CATSPERE: variants seen among roughly 807,000 people sequenced by gnomAD.
CATSPERE encodes the protein catsper channel auxiliary subunit epsilon.
Under a neutral mutation model 114.1 loss-of-function variants are expected in CATSPERE, and 93 were observed. That is an observed-to-expected ratio of 0.81 (90% confidence interval 0.69 to 0.97). The LOEUF (loss-of-function observed/expected upper bound fraction) is 0.97. Ranked by LOEUF, CATSPERE falls within the 50% of genes least tolerant of loss-of-function variation. The pLI is 0.00. For synonymous variants in CATSPERE, 341 were observed against 384.1 expected, an observed-to-expected ratio of 0.89 and a Z score of 1.31; for missense variants, 1,058 against 1,131.6, an observed-to-expected ratio of 0.93 and a Z score of 0.93.
chr1:244,626,923 T>G (rs1673272331), intron 20 of CATSPERE, among the ~76,000 whole-genome samples: 1 of 152,226 alleles, frequency 6.6e-6, no homozygotes, highest in African/African-American at 2.4e-5. Flanking sequence ...TTAATTTTCC[T>G]TCAAAAACTT....
At chr1:244,499,279 T>G in intron 7 of CATSPERE, among the ~76,000 whole-genome samples, 200 bp downstream of exon 7, 1 of 152,230 alleles carries the variant, frequency 6.6e-6, no homozygotes, top group Non-Finnish European at 1.5e-5. Flanking sequence ...AACCTTTCTT[T>G]AGAACTCTAA....
upstream of CATSPERE, chr1:244,454,312 T>G (rs566068005): frequency 1.3e-5 from 2 of 152,226 alleles, no homozygotes; most frequent in South Asian, 4.2e-4. Context: ...AGAGAAAAAG[T>G]TTTTGAGCTT....
intron 11 of CATSPERE, among the ~76,000 whole-genome samples, chr1:244,578,200 C>A (rs1032193069): frequency 1.3e-5 from 2 of 152,166 alleles, no homozygotes; most frequent in African/African-American, 4.8e-5. Context: ...GTTGCCCAGG[C>A]TGGAGTGCAG....
At chr1:244,454,132 C>T (rs1462571322), upstream of CATSPERE, among the ~76,000 whole-genome samples, 1 of 152,094 alleles carries the variant, frequency 6.6e-6, no homozygotes, top group Admixed American at 6.5e-5. Context: ...AGACCTAACT[C>T]AAAACCCTCC....
At position 244,499,091 on chromosome 1, in the gene CATSPERE, C is replaced by T; in HGVS notation, c.429+12C>T. The T allele has an allele frequency of 1.3e-6, 2 of 1,585,176 alleles. No individual in the cohort carries two copies. The highest frequency in any genetic ancestry group is 1.7e-6 in the Non-Finnish European group (2 of 1,154,350). ...AAGAACCTTCAATAGTAGGTGGAAACATTAGTATCGTCATAGTAAGAACAG... is the reference window on the plus strand; with the variant it reads ...AAGAACCTTCAATAGTAGGTGGAAATATTAGTATCGTCATAGTAAGAACAG... On this transcript the variant is annotated intron_variant, in intron 7 of 21. Coordinates refer to ENST00000366534, the MANE Select transcript of CATSPERE (RefSeq NM_001130957.2).
At chr1:244,586,792 G>A (rs6429491) in intron 13 of CATSPERE, among the ~76,000 whole-genome samples, 26,844 of 152,046 alleles carry the variant, frequency 0.18, 3,324 homozygotes, top group East Asian at 0.39. Flanking sequence ...TGTAGACCCT[G>A]TTGAGACAGC....
intron 9 of CATSPERE, among the ~76,000 whole-genome samples, chr1:244,553,601 ATACACAC>A (rs1262859625): frequency 1.4e-4 from 12 of 85,020 alleles, no homozygotes; most frequent in African/African-American, 6.4e-4. Context: ...AAAAAAAAAA[ATACACAC>A]ACACACACAC....
rs59466928 is a variant in CATSPERE, at chr1:244,566,652, C to CTTTTTTTTT, written c.1507+5534_1507+5542dup. On this transcript the variant is annotated intron_variant, in intron 10 of 21. Coordinates refer to ENST00000366534, the MANE Select transcript of CATSPERE (RefSeq NM_001130957.2). The stretch of plus-strand genomic sequence containing the variant: ...TCAGAGACTAGGATTGCAACCCCTG[C>CTTTTTTTTT]TTTTTTTTTTTTTTTTTTTTTTTTT... Among the ~76,000 whole-genome samples, 21 of 49,084 alleles carry CTTTTTTTTT rather than the reference C, an allele frequency of 4.3e-4. 2 individuals carry two copies. Among genetic ancestry groups the CTTTTTTTTT allele is most frequent in the Non-Finnish European group, 9.1e-4 (13 of 14,266 alleles). 32.2% of individuals were successfully genotyped at this position (49,084 alleles called of 152,430 possible). A position where few individuals can be genotyped will look rare whatever the true frequency, so the allele number is the denominator to read the frequency against.
At chr1:244,474,749 T>C (rs555597330) in intron 2 of CATSPERE, among the ~76,000 whole-genome samples, 44 of 150,160 alleles carry the variant, frequency 2.9e-4, no homozygotes, top group African/African-American at 1.0e-3. Flanking sequence ...TTTTTTTTTT[T>C]TTTTTGGAGA....
At chr1:244,588,193 CAAAA>C (rs34464391) in intron 13 of CATSPERE, among the ~76,000 whole-genome samples, 3 of 107,984 alleles carry the variant, frequency 2.8e-5, no homozygotes, top group Admixed American at 9.9e-5. Flanking sequence ...GACTTCATCT[CAAAA>C]AAAAAAAAAA....
chr1:244,539,924 G>C (rs1198466444), intron 8 of CATSPERE, among the ~76,000 whole-genome samples: 2 of 86,190 alleles, frequency 2.3e-5, no homozygotes, highest in African/African-American at 6.9e-5. Flanking sequence ...CAAAAAACCA[G>C]CTTCTGGATT....
chr1:244,548,806 T>C (rs1200170566), intron 8 of CATSPERE, among the ~76,000 whole-genome samples: 1 of 152,178 alleles, frequency 6.6e-6, no homozygotes, highest in Non-Finnish European at 1.5e-5. Context: ...CTCTGAATCA[T>C]GCCTAATATA....
intron 8 of CATSPERE, among the ~76,000 whole-genome samples, chr1:244,534,505 T>G (rs1302518978): frequency 3.3e-5 from 5 of 152,218 alleles, no homozygotes; most frequent in Non-Finnish European, 7.3e-5. Context: ...ATAGCCTGTC[T>G]TCAAGCTTAC....
chr1:244,618,991 A>C (rs565270558), intron 20 of CATSPERE, among the ~76,000 whole-genome samples: 74 of 152,310 alleles, frequency 4.9e-4, no homozygotes, highest in African/African-American at 1.7e-3. Context: ...AGGTGATTAA[A>C]ATAGTGGCAT....
At chr1:244,479,446 A>T (rs980474112) in intron 4 of CATSPERE, among the ~76,000 whole-genome samples, 1 of 152,202 alleles carries the variant, frequency 6.6e-6, no homozygotes, top group Non-Finnish European at 1.5e-5. Flanking sequence ...ATCTTTGGGC[A>T]TTGCCAAAAG....
chr1:244,592,465 C>T (rs1391622178), intron 15 of CATSPERE, among the ~76,000 whole-genome samples: 1 of 152,036 alleles, frequency 6.6e-6, no homozygotes, highest in East Asian at 1.9e-4. Flanking sequence ...TAGAAGTCCA[C>T]AGCCTCTGAA....
intron 6 of CATSPERE, among the ~76,000 whole-genome samples, chr1:244,497,129 A>C (rs1354532558): frequency 6.6e-6 from 1 of 152,230 alleles, no homozygotes; most frequent in African/African-American, 2.4e-5. Flanking sequence ...TCCAGTAACA[A>C]TTAAAGAAAA....
At chr1:244,508,303 CTTT>C (rs1009692394) in intron 7 of CATSPERE, among the ~76,000 whole-genome samples, 6 of 133,176 alleles carry the variant, frequency 4.5e-5, no homozygotes, top group Admixed American at 1.5e-4. Context: ...TTTTTCTTTT[CTTT>C]TTTTTTTTTT....
chr1:244,548,269 G>A (rs1363206032), intron 8 of CATSPERE, among the ~76,000 whole-genome samples: 1 of 152,232 alleles, frequency 6.6e-6, no homozygotes, highest in East Asian at 1.9e-4. Context: ...AAAGAAAGTA[G>A]CCATGGTAGC....
Sources: allele counts gnomAD v4.1 joint callset (sites outside exome capture counted in the v4.1 genomes callset), GRCh38; gene constraint gnomAD v4.1.1; transcripts MANE v1.5; gene names NCBI Gene and HGNC (gene_info 2026-07-23, HGNC 2026-07-21).